Variants in CARS2 observed in about 807,000 individuals in gnomAD.
The protein encoded by CARS2 is probable cysteine--tRNA ligase, mitochondrial.
In CARS2, 52 loss-of-function variants were observed where a neutral mutation model predicts 68.8. That is an observed-to-expected ratio of 0.76 (90% CI 0.61 to 0.95). The LOEUF is 0.95. CARS2 is among the 40% of genes least tolerant of loss of function. The pLI is 0.00. For missense variants in CARS2, 780 were observed against 754.2 expected, an observed-to-expected ratio of 1.03 and a Z score of -0.40; for synonymous variants, 314 against 303.6, an observed-to-expected ratio of 1.03 and a Z score of -0.36.
intron 9 of CARS2, among the ~76,000 whole-genome samples, chr13:110,657,025 G>C (rs893184431): frequency 1.3e-5 from 2 of 152,050 alleles, no homozygotes; most frequent in African/African-American, 4.8e-5. Flanking sequence ...AGTTTAAAAA[G>C]AAATAAGAGA....
At chr13:110,679,893 T>C (rs565039141) in intron 6 of CARS2, among the ~76,000 whole-genome samples, 3 of 152,006 alleles carry the variant, frequency 2.0e-5, no homozygotes, top group African/African-American at 7.2e-5. Flanking sequence ...ATGGCAGCAA[T>C]GGGTTAAAAC....
rs2062965620 is a variant in CARS2 at position 110,676,878 on chromosome 13, C to T, written c.785+96G>A. 7.9e-6 allele frequency: 11 copies of T among 1,400,312 alleles called. No individual in the cohort carries two copies. Among genetic ancestry groups the T allele is most frequent in the Non-Finnish European group, 1.0e-5 (11 of 1,066,462 alleles). 86.7% of individuals were successfully genotyped at this position (1,400,312 alleles called of 1,614,324 possible). The stretch of plus-strand genomic sequence containing the variant: ...AAAAAATCACCCATGGGCACACGTG[C>T]CAGGCTGCACCTGCTCCCATGCACA... On this transcript the variant is annotated intron_variant, in intron 7 of 14. Transcript: ENST00000257347. The surrounding 1 kb of genome is among the most constrained non-coding windows in gnomAD (Gnocchi z 4.0).
intron 8 of CARS2, 99 bp from the exon 9 acceptor site, chr13:110,663,617 T>C: frequency 6.5e-7 from 1 of 1,536,328 alleles, no homozygotes; most frequent in East Asian, 2.3e-5. Context: ...AACCTGCACA[T>C]ATCCAATGTA....
chr13:110,705,024 G>C lies in CARS2; in HGVS notation c.275+497C>G, dbSNP rs546917197. Among the ~76,000 whole-genome samples the C allele has an allele frequency of 6.6e-6, 1 of 152,100 alleles. No homozygotes were observed. Among genetic ancestry groups the C allele is most frequent in the Non-Finnish European group, 1.5e-5 (1 of 68,036 alleles). ...TTAGGAAAGTTACTCAATCACTATT[G>C]AGCCCCGTGACATCTCACATGTGAG... On this transcript the variant is annotated intron_variant, in intron 2 of 14. Coordinates refer to ENST00000257347, the MANE Select transcript of CARS2 (RefSeq NM_024537.4). The surrounding 1 kb of genome is among the most constrained non-coding windows in gnomAD (Gnocchi z 4.0).
intron 3 of CARS2, among the ~76,000 whole-genome samples, chr13:110,695,724 A>G (rs2063601703): frequency 6.6e-6 from 1 of 152,148 alleles, no homozygotes; most frequent in Non-Finnish European, 1.5e-5. Flanking sequence ...AAGAAAAATA[A>G]AAGTTTTAAT....
Position 110,646,748 on chromosome 13 carries a change from G to A in CARS2, c.1193+353C>T, listed in dbSNP as rs188702700. On this transcript the variant is annotated intron_variant, in intron 11 of 14. Coordinates refer to ENST00000257347, the MANE Select transcript of CARS2 (RefSeq NM_024537.4). Reference sequence around the variant, plus strand: ...ACTCTGAGCAGGGGGCTCAGAGCCCGAGGGCCCCAGGCACACTTCCTGCCA... The same window carrying A: ...ACTCTGAGCAGGGGGCTCAGAGCCCAAGGGCCCCAGGCACACTTCCTGCCA... 1,172 of 221,854 alleles carry A rather than the reference G, an allele frequency of 5.3e-3. 7 individuals carry two copies. The highest frequency in any genetic ancestry group is 8.5e-3 in the Non-Finnish European group (955 of 112,682). 13.7% of individuals were successfully genotyped at this position (221,854 alleles called of 1,614,324 possible). A position where few individuals can be genotyped will look rare whatever the true frequency, so the allele number is the denominator to read the frequency against.
At chr13:110,711,256 G>A (rs995335462), upstream of CARS2, among the ~76,000 whole-genome samples, 6 of 151,660 alleles carry the variant, frequency 4.0e-5, no homozygotes, top group Admixed American at 1.3e-4. Flanking sequence ...TTGCTCTGTC[G>A]CCCAGGCTGG....
At chr13:110,652,274 T>C (rs1417845840) in intron 9 of CARS2, among the ~76,000 whole-genome samples, 1 of 152,230 alleles carries the variant, frequency 6.6e-6, no homozygotes, top group Non-Finnish European at 1.5e-5. Flanking sequence ...AGATACCCAC[T>C]TCCTCTGCAG....
At position 110,667,518 on chromosome 13, in the gene CARS2, C is replaced by A. The variant is rs201019544; in HGVS notation, c.786-45G>T. The A allele has an allele frequency of 2.7e-4, 425 of 1,590,578 alleles. 8 individuals are homozygous for A. The South Asian group carries it at 4.5e-3, about 17-fold the overall frequency. On this transcript the variant is annotated intron_variant, in intron 7 of 14. Coordinates refer to ENST00000257347, the MANE Select transcript of CARS2 (RefSeq NM_024537.4). ...GTAGTGAATTCATTCAATCAAGCAA[C>A]ATATTTTCTTCTAACCTCGTCTATT...
Position 110,687,715 on chromosome 13 carries a change from C to T in CARS2, c.571+6G>A. ...AAGAAAAAAAAAAAAAGAACATAAA[C>T]CCTACCTTTTGCCGTTGAATAAGCG... On this transcript the variant is annotated splice_donor_region_variant and intron_variant, in intron 5 of 14. Coordinates refer to ENST00000257347, the MANE Select transcript of CARS2 (RefSeq NM_024537.4). 1 of 1,481,050 alleles carries T rather than the reference C, an allele frequency of 6.8e-7. No individual in the cohort carries two copies. The highest frequency in any genetic ancestry group is 2.3e-5 in the East Asian group (1 of 43,462). The allele number at this position is 1,481,050 out of a possible 1,614,324, so 91.7% of individuals were successfully genotyped here.
intron 10 of CARS2, 105 bp downstream of exon 10, chr13:110,650,929 C>T: frequency 1.2e-6 from 1 of 810,532 alleles, no homozygotes; most frequent in South Asian, 1.6e-5. Flanking sequence ...CCTCACTCAA[C>T]AAGGTTCTGC....
chr13:110,673,431 C>A (rs1270956324), intron 7 of CARS2, among the ~76,000 whole-genome samples: 6 of 152,172 alleles, frequency 3.9e-5, no homozygotes, highest in Non-Finnish European at 8.8e-5. Context: ...TAAACGTAAT[C>A]CATCACATAA....
intron 9 of CARS2, among the ~76,000 whole-genome samples, chr13:110,657,774 C>T (rs2062406991): frequency 6.6e-6 from 1 of 152,180 alleles, no homozygotes; most frequent in South Asian, 2.1e-4. Context: ...AGCATGCCAC[C>T]TCTCAGATGC....
At position 110,687,826 on chromosome 13, in the gene CARS2, C is replaced by A. The variant is rs148098469; in HGVS notation, c.466G>T (p.Val156Phe). The change falls in exon 5 of 15, where the codon GTT becomes TTT. Residue 156 changes from valine (V) to phenylalanine (F), a missense_variant and splice_region_variant. Physicochemically the swap from Val to Phe is conservative, Grantham distance 50 (BLOSUM62 -1). Transcript: ENST00000257347. ...DFKQDMAALKVLPPTVYLRVT... is the reference protein window; with the variant it reads ...DFKQDMAALKFLPPTVYLRVT... ...CTCAGGTACACCGTGGGTGGGAGAA[C>A]CTGCAAGGAAGTGGAGACGTGACCG... The A allele has an allele frequency of 5.4e-5, 87 of 1,602,570 alleles. No individual in the cohort carries two copies. The highest frequency in any genetic ancestry group is 7.1e-5 in the Non-Finnish European group (83 of 1,170,974).
At chr13:110,708,215 ATGT>A (rs1229259424), upstream of CARS2, among the ~76,000 whole-genome samples, 3 of 152,220 alleles carry the variant, frequency 2.0e-5, no homozygotes, top group Non-Finnish European at 4.4e-5. Context: ...GGCTTGTTGA[ATGT>A]TGATGAATTA....
At chr13:110,679,296 G>T (rs748124861) in intron 6 of CARS2, among the ~76,000 whole-genome samples, 1 of 151,934 alleles carries the variant, frequency 6.6e-6, no homozygotes, top group African/African-American at 2.4e-5. Context: ...TTGGGAGGCC[G>T]AGGCGGGCGG....
chr13:110,644,342 G>A (rs1887801638), intron 13 of CARS2, 43 bp downstream of exon 13: 1 of 1,562,152 alleles, frequency 6.4e-7, no homozygotes, highest in Non-Finnish European at 8.8e-7. Flanking sequence ...GTCCCAACAT[G>A]GAGAAAATTC....
chr13:110,675,764 G>C (rs183127730), intron 7 of CARS2, among the ~76,000 whole-genome samples: 61 of 152,244 alleles, frequency 4.0e-4, no homozygotes, highest in Non-Finnish European at 8.7e-4. Context: ...TCACTAAGGA[G>C]ATCTGTAACA....
At chr13:110,666,107 C>G (rs2062639185) in intron 8 of CARS2, 1 of 985,220 alleles carries the variant, frequency 1.0e-6, no homozygotes, top group East Asian at 1.1e-4. Flanking sequence ...GAAGAGAGAC[C>G]TCCTTCCCCA....
Sources: gnomAD v4.1 joint callset for allele counts (sites outside exome capture counted in the v4.1 genomes callset) on GRCh38, gnomAD v4.1.1 for gene constraint, Gnocchi (gnomAD v3.1) non-coding constraint, MANE v1.5 for transcripts, NCBI Gene and HGNC (gene_info 2026-07-23, HGNC 2026-07-21) for gene names.